The following RASSF8 variants were observed in gnomAD, a reference collection of about 807,000 sequenced individuals.
RASSF8 encodes the protein ras association domain-containing protein 8.
Under a neutral mutation model 48.5 loss-of-function variants are expected in RASSF8, and 22 were observed. The ratio of observed to expected loss-of-function variants is 0.45; its 90% CI spans 0.32 to 0.65. The LOEUF is 0.65. RASSF8 is among the 30% of genes least tolerant of loss of function. The pLI is 0.03. For synonymous variants in RASSF8, 127 were observed against 171.5 expected (o/e 0.74, Z 2.03); for missense variants, 418 against 489.2 (o/e 0.85, Z 1.37).
At chr12:26,053,786 G>A (rs1249358582) in intron 2 of RASSF8, among the ~76,000 whole-genome samples, 1 of 152,162 alleles carries the variant, frequency 6.6e-6, no homozygotes, top group Non-Finnish European at 1.5e-5. Flanking sequence ...GAGAGCTAAA[G>A]CAAAGTGCTA....
chr12:25,975,110 G>T (rs1295160909), intron 1 of RASSF8, among the ~76,000 whole-genome samples: 1 of 152,204 alleles, frequency 6.6e-6, no homozygotes, highest in Non-Finnish European at 1.5e-5. Context: ...GGAAATCAGG[G>T]AATGTTAAAG....
chr12:26,053,814 C>G (rs1341754139), intron 2 of RASSF8, among the ~76,000 whole-genome samples: 3 of 152,160 alleles, frequency 2.0e-5, no homozygotes, highest in Non-Finnish European at 4.4e-5. Context: ...AATGTTCAGC[C>G]AGGCCTTTCT....
chr12:26,009,419 C>T (rs985680308), intron 2 of RASSF8, among the ~76,000 whole-genome samples: 3 of 152,120 alleles, frequency 2.0e-5, no homozygotes, highest in Non-Finnish European at 2.9e-5. Flanking sequence ...GATGGGAAGG[C>T]TGTTACTGGC....
In RASSF8 at chr12:26,026,747, G is replaced by C. The variant is rs971749625; in HGVS notation, c.-108-28489G>C. On this transcript the variant is annotated intron_variant, in intron 2 of 5. Coordinates refer to ENST00000689635, the MANE Select transcript of RASSF8 (RefSeq NM_001394098.1). Reference sequence around the variant, plus strand: ...TTAATTTTAAAAGGCAGCTAATAAGGAGTGTGAGTGAGATTGTGAAGAATA... The same window carrying C: ...TTAATTTTAAAAGGCAGCTAATAAGCAGTGTGAGTGAGATTGTGAAGAATA... Among the ~76,000 whole-genome samples, 3 of 152,262 alleles carry C rather than the reference G, an allele frequency of 2.0e-5. No homozygotes were observed. In the Middle Eastern group the frequency reaches 0.01, roughly 518 times the overall value.
downstream of RASSF8, among the ~76,000 whole-genome samples, chr12:26,073,748 T>TACACAC (rs5797160): frequency 4.3e-3 from 576 of 134,748 alleles, 6 homozygotes; most frequent in East Asian, 0.018. Context: ...TCTCTCTCTA[T>TACACAC]ACACACACAC....
chr12:26,061,834 TA>T (rs1175870774), intron 3 of RASSF8, among the ~76,000 whole-genome samples: 2 of 152,128 alleles, frequency 1.3e-5, no homozygotes, highest in African/African-American at 4.8e-5. Flanking sequence ...TTGCCTTTTT[TA>T]AAAAAAGCTT....
intron 1 of RASSF8, among the ~76,000 whole-genome samples, chr12:25,977,992 C>G (rs937283291): frequency 6.6e-6 from 1 of 152,152 alleles, no homozygotes; most frequent in Non-Finnish European, 1.5e-5. Context: ...CTCCTCTTTT[C>G]AAATCCTCAG....
At chr12:26,033,342 A>C (rs904004177) in intron 2 of RASSF8, among the ~76,000 whole-genome samples, 3 of 152,204 alleles carry the variant, frequency 2.0e-5, no homozygotes, top group Non-Finnish European at 2.9e-5. Flanking sequence ...TCATAACAGA[A>C]AACCCACAAA....
intron 2 of RASSF8, among the ~76,000 whole-genome samples, chr12:26,050,148 A>G (rs1186512413): frequency 6.6e-6 from 1 of 152,178 alleles, no homozygotes. Context: ...GATTCATAGC[A>G]TGTTTTATAC....
intron 2 of RASSF8, among the ~76,000 whole-genome samples, chr12:26,024,498 A>G (rs1942859816): frequency 6.6e-6 from 1 of 152,250 alleles, no homozygotes. Context: ...TACCAAGACC[A>G]GACAAAACTT....
intron 2 of RASSF8, among the ~76,000 whole-genome samples, chr12:26,037,280 A>C (rs1943173718): frequency 6.6e-6 from 1 of 152,336 alleles, no homozygotes; most frequent in Non-Finnish European, 1.5e-5. Flanking sequence ...AGATATTTTA[A>C]GCAATATCAG....
chr12:26,078,976 C>A, intron 5 of RASSF8: 1 of 1,491,152 alleles, frequency 6.7e-7, no homozygotes, highest in East Asian at 2.5e-5. Flanking sequence ...TATACAAAAA[C>A]AAATTCACCA....
rs558504198 is a variant in RASSF8 at position 25,964,027 on chromosome 12, TGA to T, written c.-203+4883_-203+4884del. On this transcript the variant is annotated intron_variant, in intron 1 of 5. Coordinates refer to ENST00000689635, the MANE Select transcript of RASSF8 (RefSeq NM_001394098.1). ...TTTTAAAAATGTTGAGAGCAAGCCC[TGA>T]GAGGGGCACACCAGGTGATTTGCCT... Among the ~76,000 whole-genome samples, 505 of 152,318 alleles carry T rather than the reference TGA, an allele frequency of 3.3e-3. 3 individuals carry two copies. Among genetic ancestry groups the T allele is most frequent in the African/African-American group, 0.012 (487 of 41,562 alleles).
intron 1 of RASSF8, among the ~76,000 whole-genome samples, chr12:25,976,968 A>T (rs16929805): frequency 0.11 from 16,852 of 152,028 alleles, 1,068 homozygotes; most frequent in African/African-American, 0.18. Context: ...TTATCCCCTC[A>T]TTGTTGGTTC....
chr12:25,975,240 G>A (rs1248890949), intron 1 of RASSF8, among the ~76,000 whole-genome samples: 3 of 152,162 alleles, frequency 2.0e-5, no homozygotes, highest in African/African-American at 7.2e-5. Flanking sequence ...GTGGTCTGCC[G>A]GAGAACAAAT....
At chr12:26,037,199 G>GT (rs1943172091) in intron 2 of RASSF8, among the ~76,000 whole-genome samples, 1 of 152,198 alleles carries the variant, frequency 6.6e-6, no homozygotes, top group Non-Finnish European at 1.5e-5. Flanking sequence ...GTGGGAAACA[G>GT]TGTCTGTACA....
chr12:25,965,675 T>C (rs1941344830), intron 1 of RASSF8, among the ~76,000 whole-genome samples: 1 of 152,212 alleles, frequency 6.6e-6, no homozygotes. Context: ...TCATTCTCCT[T>C]TGTAATTTAT....
chr12:26,036,528 T>G (rs1378892471), intron 2 of RASSF8, among the ~76,000 whole-genome samples: 1 of 152,154 alleles, frequency 6.6e-6, no homozygotes, highest in East Asian at 1.9e-4. Flanking sequence ...TGTCCTAATT[T>G]TTATTTTAAA....
chr12:26,074,146 G>A (rs1338734466), downstream of RASSF8, among the ~76,000 whole-genome samples: 1 of 152,144 alleles, frequency 6.6e-6, no homozygotes, highest in Non-Finnish European at 1.5e-5. Flanking sequence ...TAATGGCAGA[G>A]CAAGAAACAG....
Sources: allele counts gnomAD v4.1 joint callset (sites outside exome capture counted in the v4.1 genomes callset), GRCh38; gene constraint gnomAD v4.1.1; transcripts MANE v1.5; gene names NCBI Gene and HGNC (gene_info 2026-07-23, HGNC 2026-07-21).